HAO1: variants seen among roughly 807,000 people sequenced by gnomAD.
HAO1 encodes 2-Hydroxyacid oxidase 1.
A neutral mutation model predicts 39.7 loss-of-function variants in HAO1; 34 were observed. That is an observed-to-expected ratio of 0.86 (90% CI 0.65 to 1.14). HAO1 has a LOEUF of 1.14. Ranked by LOEUF, HAO1 falls within the 50% of genes most tolerant of loss-of-function variation. The pLI, the probability that HAO1 is intolerant of heterozygous loss-of-function variation, is 0.00. For missense variants in HAO1, 479 were observed against 464.5 expected, an observed-to-expected ratio of 1.03 and a Z score of -0.29; for synonymous variants, 172 against 173.2, an observed-to-expected ratio of 0.99 and a Z score of 0.05.
At chr20:7,904,458 A>G (rs953844005) in intron 4 of HAO1, among the ~76,000 whole-genome samples, 1 of 152,218 alleles carries the variant, frequency 6.6e-6, no homozygotes, top group Non-Finnish European at 1.5e-5. Flanking sequence ...TGTTTTATAA[A>G]TTGTTATGCA....
chr20:7,908,395 A>T (rs76730989), intron 3 of HAO1, among the ~76,000 whole-genome samples: 4 of 108,818 alleles, frequency 3.7e-5, no homozygotes, highest in African/African-American at 1.7e-4. Flanking sequence ...TCTCAAAATA[A>T]AAAAAAAAAA....
intron 3 of HAO1, among the ~76,000 whole-genome samples, chr20:7,909,027 C>A (rs2050262964): frequency 6.6e-6 from 1 of 152,030 alleles, no homozygotes. Flanking sequence ...ATGTAGTCTG[C>A]ATGGCACCCC....
chr20:7,934,429 G>C, intron 2 of HAO1, 55 bp downstream of exon 2: 1 of 1,373,604 alleles, frequency 7.3e-7, no homozygotes, highest in East Asian at 2.4e-5. Context: ...TTCAGAGAAG[G>C]AGGTCGATAA....
intron 5 of HAO1, among the ~76,000 whole-genome samples, chr20:7,889,638 C>T (rs2122750128): frequency 6.6e-6 from 1 of 152,266 alleles, no homozygotes; most frequent in South Asian, 2.1e-4. Flanking sequence ...TGTTCTAGGA[C>T]TCCTAGTGAC....
chr20:7,926,387 G>A (rs998245494), intron 2 of HAO1, among the ~76,000 whole-genome samples: 1 of 152,098 alleles, frequency 6.6e-6, no homozygotes, highest in Non-Finnish European at 1.5e-5. Context: ...TGCTTTGCCT[G>A]GATTAGGTAA....
chr20:7,883,754 A>C (rs1292842898), intron 7 of HAO1, 91 bp from the exon 8 acceptor site: 5 of 1,102,276 alleles, frequency 4.5e-6, no homozygotes, highest in African/African-American at 1.5e-5. Context: ...AATTTGACAA[A>C]TGTAAGGTTT....
chr20:7,896,332 C>T lies in HAO1; in HGVS notation c.722-1108G>A, dbSNP rs143072317. Reference sequence around the variant, plus strand: ...TAAGCAAAACCAACTGGTTCAAGAGCGTAGCAAAAATCAGGCCTTGGAAAT... The same window carrying T: ...TAAGCAAAACCAACTGGTTCAAGAGTGTAGCAAAAATCAGGCCTTGGAAAT... On this transcript the variant is annotated intron_variant, in intron 4 of 7. Coordinates refer to ENST00000378789, the MANE Select transcript of HAO1 (RefSeq NM_017545.3). 8.6e-4 allele frequency among the ~76,000 whole-genome samples: 131 copies of T among 152,094 alleles called. No individual in the cohort carries two copies. The Middle Eastern group carries it at 0.014, about 16-fold the overall frequency.
chr20:7,918,594 C>G (rs1165529328), intron 2 of HAO1, among the ~76,000 whole-genome samples: 1 of 152,200 alleles, frequency 6.6e-6, no homozygotes, highest in Admixed American at 6.5e-5. Context: ...AATCCAGCAA[C>G]TTAAACATCA....
At chr20:7,898,589 A>G (rs561904521) in intron 4 of HAO1, among the ~76,000 whole-genome samples, 2 of 152,190 alleles carry the variant, frequency 1.3e-5, no homozygotes, top group Non-Finnish European at 2.9e-5. Flanking sequence ...TAGGGCCTCA[A>G]TGGACTACCA....
chr20:7,906,148 A>G lies in HAO1; in HGVS notation c.721+6T>C. 6.3e-7 allele frequency: 1 copy of G among 1,599,250 alleles called. No homozygotes were observed. The highest frequency in any genetic ancestry group is 8.6e-7 in the Non-Finnish European group (1 of 1,166,550). Reference sequence around the variant, plus strand: ...AGTATGAATTCAAGTAGAGAAATAAACGAACCTCTCAAAATGCCCTTTGCA... The same window carrying G: ...AGTATGAATTCAAGTAGAGAAATAAGCGAACCTCTCAAAATGCCCTTTGCA... On this transcript the variant is annotated splice_donor_region_variant and intron_variant, in intron 4 of 7. Coordinates refer to ENST00000378789, the MANE Select transcript of HAO1 (RefSeq NM_017545.3).
chr20:7,901,934 A>G (rs1167653035), intron 4 of HAO1, among the ~76,000 whole-genome samples: 2 of 152,192 alleles, frequency 1.3e-5, no homozygotes, highest in African/African-American at 4.8e-5. Flanking sequence ...GGAGAAAGTC[A>G]CTGCTGCTGT....
At chr20:7,932,801 C>G (rs2122798652) in intron 2 of HAO1, among the ~76,000 whole-genome samples, 1 of 151,956 alleles carries the variant, frequency 6.6e-6, no homozygotes, top group South Asian at 2.1e-4. Flanking sequence ...CATGAAAATC[C>G]TTGCAGAAAT....
rs2050137590 is a variant in HAO1, at chr20:7,883,563, AT to A, written c.*29del. The A allele has an allele frequency of 5.8e-6, 9 of 1,563,000 alleles. No individual in the cohort carries two copies. Among genetic ancestry groups the A allele is most frequent in the African/African-American group, 1.4e-5 (1 of 74,010 alleles). ...GTCAAGTAATACATGCTGAAAAAAA[AT>A]AATACAGATGGGAAAATATTGTGCA... On this transcript the variant is annotated 3_prime_UTR_variant, in exon 8 of 8. Coordinates refer to ENST00000378789, the MANE Select transcript of HAO1 (RefSeq NM_017545.3).
At chr20:7,907,612 C>T (rs1223551965) in intron 3 of HAO1, among the ~76,000 whole-genome samples, 1 of 152,188 alleles carries the variant, frequency 6.6e-6, no homozygotes, top group Non-Finnish European at 1.5e-5. Flanking sequence ...AGACAAAGTA[C>T]CACTGAGTTG....
At chr20:7,917,286 G>A (rs2050311226) in intron 2 of HAO1, among the ~76,000 whole-genome samples, 1 of 148,172 alleles carries the variant, frequency 6.7e-6, no homozygotes, top group Non-Finnish European at 1.5e-5. Flanking sequence ...ATTGCAGTGA[G>A]CTGAGATCAC....
chr20:7,904,148 T>A (rs1455454146), intron 4 of HAO1, among the ~76,000 whole-genome samples: 1 of 152,186 alleles, frequency 6.6e-6, no homozygotes, highest in Admixed American at 6.6e-5. Flanking sequence ...TCCTTAGTGT[T>A]TTAAAGCCAG....
rs76830508 is a variant in HAO1, at chr20:7,918,587, C to G, written c.290-4168G>C. On this transcript the variant is annotated intron_variant, in intron 2 of 7. Transcript: ENST00000378789. ...AGGAATCCCCAGACTTCCTCATAAT[C>G]CAGCAACTTAAACATCAGTGCCGGC... Among the ~76,000 whole-genome samples the G allele has an allele frequency of 1.4e-4, 21 of 152,322 alleles. No individual in the cohort carries two copies. In the East Asian group the frequency reaches 4.0e-3, roughly 29 times the overall value.
intron 2 of HAO1, among the ~76,000 whole-genome samples, chr20:7,925,321 A>G (rs1170391774): frequency 6.6e-6 from 1 of 152,168 alleles, no homozygotes. Context: ...CCGTGCTTTC[A>G]TCATGGCCCA....
chr20:7,913,012 C>T (rs1210057084), intron 3 of HAO1, among the ~76,000 whole-genome samples: 4 of 152,168 alleles, frequency 2.6e-5, no homozygotes, highest in Non-Finnish European at 5.9e-5. Context: ...GTGAGATTCA[C>T]TCCACAGTCA....
Sources: gnomAD v4.1 joint callset for allele counts (sites outside exome capture counted in the v4.1 genomes callset) on GRCh38, gnomAD v4.1.1 for gene constraint, MANE v1.5 for transcripts, NCBI Gene and HGNC (gene_info 2026-07-23, HGNC 2026-07-21) for gene names.